Variants in DOCK4 observed in about 807,000 individuals in gnomAD.
DOCK4 encodes the protein dedicator of cytokinesis 4, also known as dedicator of cytokinesis protein 4.
A neutral mutation model predicts 268.1 loss-of-function variants in DOCK4; 97 were observed. The observed-to-expected ratio is 0.36, with a 90% CI of 0.31 to 0.43. The LOEUF (loss-of-function observed/expected upper bound fraction) is 0.43. DOCK4 is among the 20% of genes least tolerant of loss of function. DOCK4 has a pLI of 1.00. For missense variants in DOCK4, 2,145 were observed against 2,455.7 expected (o/e 0.87, Z 2.67); for synonymous variants, 954 against 887.2 (o/e 1.08, Z -1.34).
chr7:112,107,604 C>T (rs1200227389), intron 1 of DOCK4, among the ~76,000 whole-genome samples: 18 of 152,212 alleles, frequency 1.2e-4, no homozygotes, highest in African/African-American at 4.3e-4. Context: ...ACGAACACAA[C>T]CACTCTGTAA....
intron 11 of DOCK4, among the ~76,000 whole-genome samples, chr7:111,937,873 A>T (rs937727357): frequency 2.6e-5 from 4 of 152,204 alleles, no homozygotes; most frequent in Non-Finnish European, 5.9e-5. Flanking sequence ...AGTAAAACTG[A>T]GTAGGAGCGT....
intron 1 of DOCK4, among the ~76,000 whole-genome samples, chr7:112,193,074 C>G (rs1424886640): frequency 1.3e-5 from 2 of 152,120 alleles, no homozygotes; most frequent in African/African-American, 4.8e-5. Flanking sequence ...AATAAAACTT[C>G]CATCTACTTT....
At chr7:111,756,451 G>A (rs1439115350) in intron 41 of DOCK4, among the ~76,000 whole-genome samples, 1 of 151,960 alleles carries the variant, frequency 6.6e-6, no homozygotes, top group Non-Finnish European at 1.5e-5. Flanking sequence ...CTACCCACTA[G>A]GACCTCTGAC....
At chr7:112,170,131 A>T (rs1817955799) in intron 1 of DOCK4, among the ~76,000 whole-genome samples, 1 of 152,084 alleles carries the variant, frequency 6.6e-6, no homozygotes, top group Non-Finnish European at 1.5e-5. Context: ...GAGAAGAGAG[A>T]AAAAAATAAA....
intron 1 of DOCK4, among the ~76,000 whole-genome samples, chr7:112,072,225 AC>A (rs201365128): frequency 0.11 from 14,583 of 127,150 alleles, 1,071 homozygotes; most frequent in East Asian, 0.39. Flanking sequence ...AAAAATTCTC[AC>A]ATGTGGAAAA....
intron 1 of DOCK4, among the ~76,000 whole-genome samples, chr7:112,165,351 ATCTTTC>A (rs1817496366): frequency 7.5e-6 from 1 of 133,916 alleles, no homozygotes; most frequent in Non-Finnish European, 1.5e-5. Flanking sequence ...CTATCTATCT[ATCTTTC>A]CATGCTCTAC....
At chr7:112,103,366 A>C (rs1175971618) in intron 1 of DOCK4, among the ~76,000 whole-genome samples, 1 of 152,200 alleles carries the variant, frequency 6.6e-6, no homozygotes, top group Non-Finnish European at 1.5e-5. Flanking sequence ...GAGAAGTCCT[A>C]ACCACAAATC....
chr7:112,130,617 G>A (rs1813714183), intron 1 of DOCK4, among the ~76,000 whole-genome samples: 1 of 152,218 alleles, frequency 6.6e-6, no homozygotes, highest in East Asian at 1.9e-4. Context: ...AATTATAAAG[G>A]AATCTCAAGA....
chr7:112,082,052 CGT>C (rs1808637178), intron 1 of DOCK4, among the ~76,000 whole-genome samples: 1 of 109,098 alleles, frequency 9.2e-6, no homozygotes, highest in African/African-American at 5.8e-5. Context: ...GCTGGAGAGG[CGT>C]GGGGAATTAC....
chr7:111,736,951 T>G lies in DOCK4; in HGVS notation c.5271A>C (p.Pro1757=). Residue 1757 remains proline, a synonymous_variant, in exon 50 of 53, where the codon CCA becomes CCC. Transcript: ENST00000428084. ...LFNHIGDGAL[P]RSDPNLSAPE... is the part of the protein sequence containing the mutation. Reference sequence around the variant, plus strand: ...GTGCAGAGAGATTTGGGTCACTGCGTGGCAAGGCCCCGTCTCCAATATGAT... The same window carrying G: ...GTGCAGAGAGATTTGGGTCACTGCGGGGCAAGGCCCCGTCTCCAATATGAT... 6.2e-7 allele frequency: 1 copy of G among 1,605,428 alleles called. No individual in the cohort carries two copies.
intron 1 of DOCK4, among the ~76,000 whole-genome samples, chr7:112,120,184 T>G (rs150757312): frequency 6.6e-6 from 1 of 152,226 alleles, no homozygotes; most frequent in East Asian, 1.9e-4. Context: ...TCCTAATTAG[T>G]CCCCTTGCCT....
At chr7:111,896,293 T>C (rs1476166106) in intron 15 of DOCK4, among the ~76,000 whole-genome samples, 2 of 152,128 alleles carry the variant, frequency 1.3e-5, no homozygotes, top group Non-Finnish European at 2.9e-5. Context: ...ATTAAACCTA[T>C]AGTTTAACAA....
chr7:111,946,719 T>A (rs1258977225), intron 8 of DOCK4, among the ~76,000 whole-genome samples: 1 of 152,132 alleles, frequency 6.6e-6, no homozygotes, highest in Admixed American at 6.5e-5. Flanking sequence ...GTAGCTGGGA[T>A]TACAGGTGCA....
At chr7:111,804,863 A>G (rs1267539077) in intron 30 of DOCK4, among the ~76,000 whole-genome samples, 1 of 152,082 alleles carries the variant, frequency 6.6e-6, no homozygotes, top group African/African-American at 2.4e-5. Flanking sequence ...GCCTCCCAAA[A>G]TGCTGGGATT....
At chr7:112,121,783 A>G (rs1004820611) in intron 1 of DOCK4, among the ~76,000 whole-genome samples, 5 of 152,210 alleles carry the variant, frequency 3.3e-5, no homozygotes, top group Admixed American at 6.5e-5. Flanking sequence ...TTCTTCTTTG[A>G]GAGACCAGTG....
chr7:111,830,163 TGCA>T (rs1469903898), intron 26 of DOCK4, among the ~76,000 whole-genome samples: 1 of 152,172 alleles, frequency 6.6e-6, no homozygotes, highest in Non-Finnish European at 1.5e-5. Context: ...ACTTTTAAAA[TGCA>T]GATTAAAACA....
chr7:111,774,929 A>G (rs1798351825), intron 36 of DOCK4, among the ~76,000 whole-genome samples: 1 of 152,240 alleles, frequency 6.6e-6, no homozygotes, highest in South Asian at 2.1e-4. Context: ...GTGAGCTGTT[A>G]TAAAACTTCC....
At chr7:112,025,212 A>AAAG (rs1802674946) in intron 1 of DOCK4, among the ~76,000 whole-genome samples, 1 of 151,506 alleles carries the variant, frequency 6.6e-6, no homozygotes, top group African/African-American at 2.4e-5. Flanking sequence ...TCAGTGATGA[A>AAAG]TAATAATAAT....
At chr7:111,926,932 AAGGAAGAC>A (rs1383095088) in intron 12 of DOCK4, among the ~76,000 whole-genome samples, 5 of 152,168 alleles carry the variant, frequency 3.3e-5, no homozygotes, top group Admixed American at 1.3e-4. Context: ...AGAACGGAGG[AAGGAAGAC>A]AGGAAGAAAG....
Sources: gnomAD v4.1 joint callset for allele counts (sites outside exome capture counted in the v4.1 genomes callset) on GRCh38, gnomAD v4.1.1 for gene constraint, MANE v1.5 for transcripts, NCBI Gene and HGNC (gene_info 2026-07-23, HGNC 2026-07-21) for gene names.